The following RAPH1 variants were observed in gnomAD, a reference collection of about 807,000 sequenced individuals.
The protein encoded by RAPH1 is ras-associated and pleckstrin homology domains-containing protein 1.
Under a neutral mutation model 88.1 loss-of-function variants are expected in RAPH1, and 18 were observed. The observed-to-expected ratio is 0.20, with a 90% CI of 0.14 to 0.30. The LOEUF is 0.30. Among genes scored for constraint, RAPH1 ranks in the 10% least tolerant of loss-of-function variants. RAPH1 has a pLI of 1.00. For synonymous variants in RAPH1, 587 were observed against 559.0 expected (o/e 1.05, Z -0.71); for missense variants, 1,448 against 1,543.2 (o/e 0.94, Z 1.03).
At chr2:203,527,442 T>C (rs2105993621) in intron 1 of RAPH1, among the ~76,000 whole-genome samples, 1 of 152,262 alleles carries the variant, frequency 6.6e-6, no homozygotes, top group South Asian at 2.1e-4. Flanking sequence ...TTTTGTAAGC[T>C]TCTACGAGAG....
At chr2:203,477,276 T>C in intron 4 of RAPH1, 2 of 740,294 alleles carry the variant, frequency 2.7e-6, no homozygotes, top group South Asian at 3.4e-5. Flanking sequence ...TGAAACAAAA[T>C]AGTAATGAAA....
At chr2:203,485,754 C>A (rs1025269943) in intron 4 of RAPH1, among the ~76,000 whole-genome samples, 1 of 151,944 alleles carries the variant, frequency 6.6e-6, no homozygotes, top group Non-Finnish European at 1.5e-5. Flanking sequence ...TGTCTACGGA[C>A]GTTTTTAGTT....
intron 1 of RAPH1, among the ~76,000 whole-genome samples, chr2:203,508,849 AAATT>A (rs1426315085): frequency 6.6e-6 from 1 of 152,202 alleles, no homozygotes; most frequent in South Asian, 2.1e-4. Flanking sequence ...CACTTTTACT[AAATT>A]AATACGTTTA....
At chr2:203,505,441 A>C (rs1172731368) in intron 1 of RAPH1, among the ~76,000 whole-genome samples, 3 of 150,718 alleles carry the variant, frequency 2.0e-5, no homozygotes, top group African/African-American at 7.3e-5. Flanking sequence ...TGATTAAATT[A>C]CCCCCCCCGG....
intron 4 of RAPH1, among the ~76,000 whole-genome samples, chr2:203,469,210 G>T (rs537409843): frequency 1.3e-5 from 2 of 151,960 alleles, no homozygotes; most frequent in African/African-American, 4.8e-5. Context: ...AATAGAGAAC[G>T]AAGAGGGAAG....
At chr2:203,491,395 T>A in intron 2 of RAPH1, 76 bp from the exon 3 acceptor site, 1 of 972,870 alleles carries the variant, frequency 1.0e-6, no homozygotes, top group Non-Finnish European at 1.5e-6. Flanking sequence ...GTTTGTTTTA[T>A]GATTAAGTGA....
chr2:203,471,812 T>TC lies in RAPH1; in HGVS notation c.733-9888dup, dbSNP rs1471838643. Among the ~76,000 whole-genome samples the TC allele has an allele frequency of 2.6e-4, 21 of 81,534 alleles. No homozygotes were observed. The South Asian group carries it at 3.3e-3, about 13-fold the overall frequency. The allele number at this position is 81,534 out of a possible 152,430, so 53.5% of individuals were successfully genotyped here. The stretch of plus-strand genomic sequence containing the variant: ...AAGCATAAATGCCCCTCTCACCCAT[T>TC]CTTTAAAAAAAAAAAAAGAAACCTA... On this transcript the variant is annotated intron_variant, in intron 4 of 13. Coordinates refer to ENST00000319170, the MANE Select transcript of RAPH1 (RefSeq NM_213589.3).
At chr2:203,503,298 C>T (rs1393750366) in intron 1 of RAPH1, among the ~76,000 whole-genome samples, 2 of 152,146 alleles carry the variant, frequency 1.3e-5, no homozygotes, top group African/African-American at 4.8e-5. Flanking sequence ...AGTCTGTTTT[C>T]ATGCTGCTGA....
At chr2:203,494,065 C>T (rs1688402309) in intron 2 of RAPH1, among the ~76,000 whole-genome samples, 1 of 151,256 alleles carries the variant, frequency 6.6e-6, no homozygotes, top group Admixed American at 6.6e-5. Flanking sequence ...AAGATGTCTG[C>T]CTTTCAAAAT....
At position 203,507,620 on chromosome 2, in the gene RAPH1, G is replaced by C. The variant is rs139741454; in HGVS notation, c.1-12267C>G. 2.4e-4 allele frequency among the ~76,000 whole-genome samples: 37 copies of C among 152,142 alleles called. No homozygotes were observed. In the East Asian group the frequency reaches 6.8e-3, roughly 28 times the overall value. ...GCAGTACCTGAATCAAATCATAAGA[G>C]ACATTTTACAAAATAATTGGCCAAC... is the stretch of plus-strand genomic sequence containing the variant. On this transcript the variant is annotated intron_variant, in intron 1 of 13. Coordinates refer to ENST00000319170, the MANE Select transcript of RAPH1 (RefSeq NM_213589.3).
At chr2:203,529,006 T>TATATATA (rs1553633902) in intron 1 of RAPH1, among the ~76,000 whole-genome samples, 1 of 46,082 alleles carries the variant, frequency 2.2e-5, no homozygotes, top group African/African-American at 1.2e-4. Context: ...TATATATATA[T>TATATATA]TTTTTTTTTT....
chr2:203,528,147 C>T (rs1364884547), intron 1 of RAPH1, among the ~76,000 whole-genome samples: 1 of 151,974 alleles, frequency 6.6e-6, no homozygotes, highest in Non-Finnish European at 1.5e-5. Flanking sequence ...TGTGCTGTGG[C>T]AGTATGCTAC....
rs774383329 is a variant in RAPH1, at chr2:203,434,646, C to T, written c.*4791G>A. 9 of 151,316 alleles carry T rather than the reference C, an allele frequency of 5.9e-5. 1 individual carries two copies. Among genetic ancestry groups the T allele is most frequent in the East Asian group, 1.9e-4 (1 of 5,150 alleles). 9.4% of individuals were successfully genotyped at this position (151,316 alleles called of 1,614,324 possible). A position where few individuals can be genotyped will look rare whatever the true frequency, so the allele number is the denominator to read the frequency against. On this transcript the variant is annotated 3_prime_UTR_variant, in exon 14 of 14. Coordinates refer to ENST00000319170, the MANE Select transcript of RAPH1 (RefSeq NM_213589.3). ...TGGTATTAGGTTACAATAAATTTAA[C>T]GAATGGACAGTTTGCAAAATATAAG...
chr2:203,475,695 G>A (rs554660898), intron 4 of RAPH1, among the ~76,000 whole-genome samples: 1 of 144,340 alleles, frequency 6.9e-6, no homozygotes, highest in Non-Finnish European at 1.5e-5. Flanking sequence ...CTTATAACAT[G>A]TTTCAGTTCT....
At chr2:203,523,158 C>G (rs1689965325) in intron 1 of RAPH1, among the ~76,000 whole-genome samples, 1 of 152,052 alleles carries the variant, frequency 6.6e-6, no homozygotes, top group Admixed American at 6.6e-5. Flanking sequence ...CTTTGGGAGG[C>G]CGAGGCGGGC....
Position 203,489,708 on chromosome 2 carries a change from G to C in RAPH1, c.608C>G (p.Ser203Cys). ...GCTGGAATGGGAGGAATTACTAATA[G>C]AGTGTACTTCAGCATCACTCACTGT... ...AGTVSDAEVH[S>C]ISNSSHSSIT... is the part of the protein sequence containing the mutation. The change falls in exon 4 of 14, where the codon TCT becomes TGT. Residue 203 changes from serine (S) to cysteine (C), a missense_variant. Coordinates refer to ENST00000319170, the MANE Select transcript of RAPH1 (RefSeq NM_213589.3). 6.2e-7 allele frequency: 1 copy of C among 1,614,170 alleles called. No individual in the cohort carries two copies. Among genetic ancestry groups the C allele is most frequent in the Middle Eastern group, 1.6e-4 (1 of 6,062 alleles).
chr2:203,462,371 A>G (rs1410259649), intron 4 of RAPH1, among the ~76,000 whole-genome samples: 2 of 152,220 alleles, frequency 1.3e-5, no homozygotes, highest in Non-Finnish European at 2.9e-5. Flanking sequence ...CACTGAAAGT[A>G]TACCACTATC....
intron 13 of RAPH1, chr2:203,443,570 T>TTA (rs2098506246): frequency 6.6e-6 from 1 of 152,286 alleles, no homozygotes; most frequent in African/African-American, 2.4e-5. Context: ...GGAAATGATT[T>TTA]TAATTTAGTC....
rs77317676 is a variant in RAPH1 at position 203,521,737 on chromosome 2, C to T, written c.-1+13374G>A. ...TGGAAGCATAAAGAGAACACCCCCC[C>T]ACACATTATATTATTATAAGGCAGA... On this transcript the variant is annotated intron_variant, in intron 1 of 13. Coordinates refer to ENST00000319170, the MANE Select transcript of RAPH1 (RefSeq NM_213589.3). Among the ~76,000 whole-genome samples, 7 of 152,124 alleles carry T rather than the reference C, an allele frequency of 4.6e-5. No homozygotes were observed. The East Asian group carries it at 7.7e-4, about 17-fold the overall frequency.
Sources: gnomAD v4.1 joint callset for allele counts (sites outside exome capture counted in the v4.1 genomes callset) on GRCh38, gnomAD v4.1.1 for gene constraint, MANE v1.5 for transcripts, NCBI Gene and HGNC (gene_info 2026-07-23, HGNC 2026-07-21) for gene names.